TPD52L2: variants seen among roughly 807,000 people sequenced by gnomAD.
The protein encoded by TPD52L2 is tumor protein D54.
TPD52L2 carries 19 observed loss-of-function variants against 24.7 expected under a neutral mutation model. The ratio of observed to expected loss-of-function variants is 0.77; its 90% CI spans 0.54 to 1.13. The LOEUF (loss-of-function observed/expected upper bound fraction) is 1.13, where lower values mean the gene tolerates loss of function less well. Ranked by LOEUF, TPD52L2 falls within the 50% of genes most tolerant of loss-of-function variation. TPD52L2 has a pLI of 0.00. For missense variants in TPD52L2, 236 were observed against 250.4 expected (o/e 0.94, Z 0.39); for synonymous variants, 104 against 100.2 (o/e 1.04, Z -0.23).
At chr20:63,875,152 A>AATAT (rs565813974) in intron 3 of TPD52L2, among the ~76,000 whole-genome samples, 17 of 141,746 alleles carry the variant, frequency 1.2e-4, no homozygotes, top group East Asian at 6.3e-4. Flanking sequence ...AAAAAAAAAA[A>AATAT]ATATATATAT....
At position 63,877,812 on chromosome 20, in the gene TPD52L2, G is replaced by A. The variant is rs865910851; in HGVS notation, c.374+1937G>A. ...AGGCCATTCCCCTGAGTTCTGTGGC[G>A]AGAGCTGTCAACTGACGGTTCCAGA... On this transcript the variant is annotated intron_variant, in intron 4 of 6. Coordinates refer to ENST00000346249, the MANE Select transcript of TPD52L2 (RefSeq NM_003288.4). The surrounding 1 kb of genome is among the most constrained non-coding windows in gnomAD (Gnocchi z 4.1). Among the ~76,000 whole-genome samples, 1 of 152,280 alleles carries A rather than the reference G, an allele frequency of 6.6e-6. No individual in the cohort carries two copies. Among genetic ancestry groups the A allele is most frequent in the South Asian group, 2.1e-4 (1 of 4,836 alleles).
chr20:63,881,867 G>A (rs754100866), intron 4 of TPD52L2, among the ~76,000 whole-genome samples: 1 of 152,242 alleles, frequency 6.6e-6, no homozygotes, highest in Non-Finnish European at 1.5e-5. Flanking sequence ...AGCGACTTCA[G>A]GTGTTGACTG....
At chr20:63,875,127 G>A (rs2052618211) in intron 3 of TPD52L2, among the ~76,000 whole-genome samples, 1 of 148,796 alleles carries the variant, frequency 6.7e-6, no homozygotes, top group Non-Finnish European at 1.5e-5. Context: ...GGGTGACAGA[G>A]CAAGACTCTG....
intron 1 of TPD52L2, among the ~76,000 whole-genome samples, chr20:63,868,485 C>G (rs142298912): frequency 3.3e-5 from 5 of 152,268 alleles, no homozygotes; most frequent in Non-Finnish European, 7.4e-5. Context: ...GGATGAGAAT[C>G]GGGAGGTAAG....
Position 63,890,080 on chromosome 20 carries a change from C to T in TPD52L2, c.*135C>T, listed in dbSNP as rs147934118. ...CTGAGGACAGTCCTGCCCATCCACG[C>T]GGAGATGTGGCTGCCGCGTTTGCAT... On this transcript the variant is annotated 3_prime_UTR_variant, in exon 7 of 7. Coordinates refer to ENST00000346249, the MANE Select transcript of TPD52L2 (RefSeq NM_003288.4). 2,704 of 1,511,058 alleles carry T rather than the reference C, an allele frequency of 1.8e-3. 3 individuals are homozygous for T. Among genetic ancestry groups the T allele is most frequent in the Admixed American group, 2.5e-3 (119 of 48,190 alleles). 93.6% of individuals were successfully genotyped at this position (1,511,058 alleles called of 1,614,324 possible). A position where few individuals can be genotyped will look rare whatever the true frequency, so the allele number is the denominator to read the frequency against.
intron 2 of TPD52L2, among the ~76,000 whole-genome samples, chr20:63,872,518 C>T (rs189996605): frequency 1.1e-3 from 169 of 151,982 alleles, no homozygotes; most frequent in Non-Finnish European, 1.8e-3. Context: ...GCTGGGGTTA[C>T]AGGCGTGCAC....
chr20:63,872,695 T>G (rs528148596), intron 2 of TPD52L2, among the ~76,000 whole-genome samples: 18 of 146,760 alleles, frequency 1.2e-4, no homozygotes, highest in South Asian at 2.2e-4. Flanking sequence ...TCACCATTTT[T>G]TTGTTGTTGT....
intron 2 of TPD52L2, among the ~76,000 whole-genome samples, chr20:63,871,543 T>A (rs1042124031): frequency 1.3e-5 from 2 of 150,208 alleles, no homozygotes; most frequent in Non-Finnish European, 3.0e-5. Flanking sequence ...AGAGACGGAG[T>A]TTCACCACGT....
intron 1 of TPD52L2, among the ~76,000 whole-genome samples, chr20:63,868,062 G>A (rs1004329247): frequency 2.0e-5 from 3 of 151,154 alleles, no homozygotes; most frequent in Non-Finnish European, 4.4e-5. Context: ...CTACAGGCGC[G>A]TGCCACCACG....
intron 1 of TPD52L2, among the ~76,000 whole-genome samples, chr20:63,865,997 T>C (rs927384674): frequency 2.0e-5 from 3 of 152,224 alleles, no homozygotes; most frequent in Non-Finnish European, 4.4e-5. Flanking sequence ...AGATGGCCAC[T>C]GAGGGGCGTG....
chr20:63,887,647 T>G, intron 5 of TPD52L2: 1 of 1,603,882 alleles, frequency 6.2e-7, no homozygotes, highest in African/African-American at 1.3e-5. Flanking sequence ...GCCGGGTGTC[T>G]CTGGTGGGGG....
intron 2 of TPD52L2, among the ~76,000 whole-genome samples, chr20:63,870,163 T>C (rs1300254049): frequency 2.0e-5 from 3 of 152,214 alleles, no homozygotes; most frequent in Non-Finnish European, 4.4e-5. Flanking sequence ...AAAAAGTATT[T>C]ATGTGATCTT....
intron 1 of TPD52L2, 24 bp from the exon 2 acceptor site, chr20:63,869,272 G>T: frequency 6.2e-7 from 1 of 1,613,624 alleles, no homozygotes; most frequent in Non-Finnish European, 8.5e-7. Flanking sequence ...TTGACACTTT[G>T]TGGCCTCATT....
At chr20:63,885,992 T>C (rs1456773935) in intron 5 of TPD52L2, 1 of 1,614,076 alleles carries the variant, frequency 6.2e-7, no homozygotes, top group South Asian at 1.1e-5. Context: ...TCGTTTCCTC[T>C]TCTCTCCTGC....
At position 63,865,330 on chromosome 20, in the gene TPD52L2, T is replaced by C. The variant is rs201377304; in HGVS notation, c.-36T>C. The C allele has an allele frequency of 2.6e-6, 4 of 1,519,374 alleles. No homozygotes were observed. In the East Asian group the frequency reaches 1.0e-4, roughly 39 times the overall value. 94.1% of individuals were successfully genotyped at this position (1,519,374 alleles called of 1,614,324 possible). ...CCCGGCGCCGCCCGCTCGGCTCCCATAGCGCCCGCGACAGCGGTCCGGACG... is the reference window on the plus strand; with the variant it reads ...CCCGGCGCCGCCCGCTCGGCTCCCACAGCGCCCGCGACAGCGGTCCGGACG... On this transcript the variant is annotated 5_prime_UTR_variant, in exon 1 of 7. Transcript: ENST00000346249.
At chr20:63,886,134 A>G in intron 5 of TPD52L2, 1 of 1,311,388 alleles carries the variant, frequency 7.6e-7, no homozygotes, top group South Asian at 1.2e-5. Flanking sequence ...CTGTGCTAGT[A>G]GAGGGCAGTG....
At chr20:63,867,323 T>G (rs1482221852) in intron 1 of TPD52L2, among the ~76,000 whole-genome samples, 1 of 152,146 alleles carries the variant, frequency 6.6e-6, no homozygotes, top group Non-Finnish European at 1.5e-5. Flanking sequence ...TCTAACACAT[T>G]GGGAGGCCGA....
chr20:63,886,334 G>C (rs1325369755), intron 5 of TPD52L2, among the ~76,000 whole-genome samples: 2 of 151,432 alleles, frequency 1.3e-5, no homozygotes, highest in African/African-American at 4.9e-5. Flanking sequence ...CTGGCCTGGC[G>C]TCCAGGCCTG....
chr20:63,886,054 C>G, intron 5 of TPD52L2: 1 of 1,613,874 alleles, frequency 6.2e-7, no homozygotes, highest in Non-Finnish European at 8.5e-7. Context: ...TAAGGCTGAG[C>G]CTGGACACAC....
Sources: allele counts gnomAD v4.1 joint callset (sites outside exome capture counted in the v4.1 genomes callset), GRCh38; gene constraint gnomAD v4.1.1; non-coding constraint Gnocchi (gnomAD v3.1); transcripts MANE v1.5; gene names NCBI Gene and HGNC (gene_info 2026-07-23, HGNC 2026-07-21).